Variants in ZNF704 observed in about 807,000 individuals in gnomAD.
ZNF704 encodes the protein zinc finger protein 704.
ZNF704 carries 10 observed loss-of-function variants against 44.7 expected under a neutral mutation model. The observed-to-expected ratio is 0.22, with a 90% confidence interval of 0.14 to 0.38. The LOEUF is 0.38. Among genes scored for constraint, ZNF704 ranks in the 10% least tolerant of loss-of-function variants. The probability of loss-of-function intolerance (pLI) is 1.00; values close to 1 mark genes in which losing one functional copy is unlikely to be tolerated. For synonymous variants in ZNF704, 211 were observed against 207.6 expected (o/e 1.02, Z -0.14); for missense variants, 390 against 545.5 (o/e 0.71, Z 2.84).
Position 80,632,710 on chromosome 8 carries a change from C to A in ZNF704, c.*8656G>T, listed in dbSNP as rs1273860851. 1 of 152,108 alleles carries A rather than the reference C, an allele frequency of 6.6e-6. No individual in the cohort carries two copies. Among genetic ancestry groups the A allele is most frequent in the African/African-American group, 2.4e-5 (1 of 41,422 alleles). The allele number at this position is 152,108 out of a possible 1,614,324, so 9.4% of individuals were successfully genotyped here. A position where few individuals can be genotyped will look rare whatever the true frequency, so the allele number is the denominator to read the frequency against. Reference sequence around the variant, plus strand: ...GACTACAGTTTAATCACCATCTCTGCCTCCTTTCAAAATCTGTGGTTACCT... The same window carrying A: ...GACTACAGTTTAATCACCATCTCTGACTCCTTTCAAAATCTGTGGTTACCT... On this transcript the variant is annotated 3_prime_UTR_variant, in exon 9 of 9. Coordinates refer to ENST00000327835, the MANE Select transcript of ZNF704 (RefSeq NM_001033723.3).
At position 80,844,128 on chromosome 8, in the gene ZNF704, C is replaced by T. The variant is rs113564160; in HGVS notation, c.-21-22513G>A. ...ACCTCAACAAGTGCTCTGATAGGCT[C>T]ATGCAGACTATGGGCACACAAGAGA... is the stretch of plus-strand genomic sequence containing the variant. On this transcript the variant is annotated intron_variant, in intron 1 of 8. Transcript: ENST00000327835. Among the ~76,000 whole-genome samples, 1,232 of 152,166 alleles carry T rather than the reference C, an allele frequency of 8.1e-3. 15 individuals carry two copies. Among genetic ancestry groups the T allele is most frequent in the African/African-American group, 0.028 (1,145 of 41,528 alleles).
intron 2 of ZNF704, among the ~76,000 whole-genome samples, chr8:80,718,943 T>C (rs1031903525): frequency 1.7e-4 from 26 of 151,816 alleles, no homozygotes; most frequent in Admixed American, 5.2e-4. Flanking sequence ...GTCCATTTCT[T>C]GCACAGAGTG....
intron 2 of ZNF704, among the ~76,000 whole-genome samples, chr8:80,774,490 C>G (rs899681405): frequency 5.3e-5 from 8 of 152,172 alleles, no homozygotes; most frequent in South Asian, 4.1e-4. Flanking sequence ...GGTCTGCTGA[C>G]AGCTGAGGTG....
chr8:80,742,503 A>G (rs1203991112), intron 2 of ZNF704, among the ~76,000 whole-genome samples: 1 of 152,220 alleles, frequency 6.6e-6, no homozygotes. Context: ...TATCAAGCAG[A>G]TAGTCAAGGC....
At chr8:80,852,158 A>T (rs772569913) in intron 1 of ZNF704, among the ~76,000 whole-genome samples, 2 of 152,208 alleles carry the variant, frequency 1.3e-5, no homozygotes, top group Non-Finnish European at 2.9e-5. Context: ...TTGCACATTA[A>T]GGATAGAATA....
chr8:80,759,742 T>A (rs1229908348), intron 2 of ZNF704, among the ~76,000 whole-genome samples: 1 of 152,150 alleles, frequency 6.6e-6, no homozygotes, highest in Non-Finnish European at 1.5e-5. Context: ...CAGATGATAC[T>A]CCAGCCCTGG....
chr8:80,821,565 T>C lies in ZNF704; in HGVS notation c.30A>G (p.Leu10=), dbSNP rs765540974. 2 of 1,613,898 alleles carry C rather than the reference T, an allele frequency of 1.2e-6. No homozygotes were observed. The highest frequency in any genetic ancestry group is 1.7e-5 in the Admixed American group (1 of 59,974). The change falls in exon 2 of 9, where the codon TTA becomes TTG. Residue 10 remains leucine (L), a synonymous_variant. Transcript: ENST00000327835. The stretch of plus-strand genomic sequence containing the variant: ...ACATTTTTTTACCACAGTCACGTTT[T>C]AAGTCCTCTGACTGAAATGTGAAGG... The part of the protein sequence containing the change: MTFTFQSED[L]KRDCGKKMSH...
chr8:80,827,181 A>G (rs545287414), intron 1 of ZNF704, among the ~76,000 whole-genome samples: 73 of 152,316 alleles, frequency 4.8e-4, no homozygotes, highest in African/African-American at 1.3e-3. Context: ...AAACCCCATC[A>G]TCTCAGCCCA....
chr8:80,729,969 C>T (rs564537310), intron 2 of ZNF704, among the ~76,000 whole-genome samples: 1 of 152,266 alleles, frequency 6.6e-6, no homozygotes, highest in Non-Finnish European at 1.5e-5. Context: ...GTGCTTGCCA[C>T]ATGTCTAGAG....
At chr8:80,732,352 G>A (rs1288274997) in intron 2 of ZNF704, among the ~76,000 whole-genome samples, 1 of 152,208 alleles carries the variant, frequency 6.6e-6, no homozygotes, top group Non-Finnish European at 1.5e-5. Flanking sequence ...GTAGTCTTCT[G>A]TCATAGTAGC....
chr8:80,675,772 C>T lies in ZNF704; in HGVS notation c.559-5169G>A, dbSNP rs536936636. Among the ~76,000 whole-genome samples, 18 of 152,080 alleles carry T rather than the reference C, an allele frequency of 1.2e-4. No individual in the cohort carries two copies. The South Asian group carries it at 3.3e-3, about 28-fold the overall frequency. ...TTTTGGATATGTTAATTTTGAGATG[C>T]CTATTATGTATCAAAAGGAGATTGC... On this transcript the variant is annotated intron_variant, in intron 4 of 8. Transcript: ENST00000327835.
intron 4 of ZNF704, among the ~76,000 whole-genome samples, chr8:80,682,041 C>T (rs538815960): frequency 5.9e-5 from 9 of 152,198 alleles, no homozygotes; most frequent in African/African-American, 9.7e-5. Context: ...TTCTTAGCAT[C>T]GCCCTCCCCA....
At chr8:80,654,929 T>G (rs1397474672) in intron 7 of ZNF704, among the ~76,000 whole-genome samples, 6 of 152,190 alleles carry the variant, frequency 3.9e-5, no homozygotes, top group Admixed American at 3.3e-4. Flanking sequence ...TAGCAAAGAC[T>G]TGGAACCAAC....
At chr8:80,682,836 T>C (rs1321511358) in intron 4 of ZNF704, among the ~76,000 whole-genome samples, 1 of 152,198 alleles carries the variant, frequency 6.6e-6, no homozygotes. Context: ...GGTGCCACCA[T>C]TTTCCTTATT....
At chr8:80,855,927 T>G (rs1245642691) in intron 1 of ZNF704, among the ~76,000 whole-genome samples, 1 of 152,224 alleles carries the variant, frequency 6.6e-6, no homozygotes, top group Non-Finnish European at 1.5e-5. Context: ...AAATGCTCTC[T>G]CATTTGGTCA....
At chr8:80,713,833 C>T (rs1819030876) in intron 2 of ZNF704, among the ~76,000 whole-genome samples, 1 of 152,114 alleles carries the variant, frequency 6.6e-6, no homozygotes, top group African/African-American at 2.4e-5. Context: ...TGAAATTGAC[C>T]CTCCTTGTAT....
At chr8:80,647,944 A>C (rs1455446838) in intron 7 of ZNF704, among the ~76,000 whole-genome samples, 1 of 152,154 alleles carries the variant, frequency 6.6e-6, no homozygotes, top group Non-Finnish European at 1.5e-5. Flanking sequence ...TAATAAGCAG[A>C]AATTTATTTT....
intron 1 of ZNF704, among the ~76,000 whole-genome samples, chr8:80,872,669 T>C (rs556455819): frequency 6.6e-6 from 1 of 152,168 alleles, no homozygotes; most frequent in Non-Finnish European, 1.5e-5. Context: ...GTTTGCTTTG[T>C]CCAATAGCAT....
chr8:80,766,052 C>A (rs1009292928), intron 2 of ZNF704, among the ~76,000 whole-genome samples: 9 of 152,088 alleles, frequency 5.9e-5, no homozygotes, highest in African/African-American at 9.7e-5. Context: ...AATTACTACT[C>A]CTTCTCTTGT....
Sources: gnomAD v4.1 joint callset for allele counts (sites outside exome capture counted in the v4.1 genomes callset) on GRCh38, gnomAD v4.1.1 for gene constraint, MANE v1.5 for transcripts, NCBI Gene and HGNC (gene_info 2026-07-23, HGNC 2026-07-21) for gene names.